The following RBM5 variants were observed in gnomAD, a reference collection of about 807,000 sequenced individuals.
RBM5 encodes RNA binding motif protein 5.
A neutral mutation model predicts 124.6 loss-of-function variants in RBM5; 15 were observed. That is an observed-to-expected ratio of 0.12 (90% confidence interval 0.08 to 0.19). The LOEUF (loss-of-function observed/expected upper bound fraction) is 0.19, where lower values mean the gene tolerates loss of function less well. RBM5 is among the 10% of genes least tolerant of loss of function. The pLI, the probability that RBM5 is intolerant of heterozygous loss-of-function variation, is 1.00. For synonymous variants in RBM5, 337 were observed against 361.2 expected (o/e 0.93, Z 0.76); for missense variants, 580 against 1,026.5 (o/e 0.57, Z 5.94).
intron 4 of RBM5, chr3:50,094,099 T>G (rs540207300): frequency 2.3e-6 from 1 of 440,378 alleles, no homozygotes; most frequent in East Asian, 3.3e-5. Flanking sequence ...GAAATTCATT[T>G]GTATTTTGTA....
intron 11 of RBM5, 142 bp from the exon 12 acceptor site, chr3:50,107,340 T>C (rs2091051816): frequency 4.4e-6 from 3 of 676,924 alleles, no homozygotes; most frequent in Non-Finnish European, 7.9e-6. Flanking sequence ...AATTTCCCCA[T>C]GAAGAGCCCT....
Position 50,106,804 on chromosome 3 carries a change from A to G in RBM5, c.893A>G (p.His298Arg). 1 of 1,613,266 alleles carries G rather than the reference A, an allele frequency of 6.2e-7. No individual in the cohort carries two copies. Residue 298 changes from histidine to arginine, a missense_variant, in exon 11 of 25, where the codon CAT (histidine) becomes CGT (arginine). By Grantham distance (29) the His-to-Arg change is conservative. Around this residue, in one of 6 missense-constraint regions of RBM5, gnomAD observed 42 missense variants for 101.1 expected, o/e 0.42. Transcript: ENST00000347869. ...SQLLQILQSL[H>R]PPLKIDGKTI... is the part of the protein sequence containing the mutation. ...CTGCTTCAGATATTACAGAGTCTCC[A>G]TCCTCCTTTGAAAATTGATGGCAAA...
chr3:50,093,072 G>A, intron 3 of RBM5: 1 of 210,176 alleles, frequency 4.8e-6, no homozygotes, highest in South Asian at 5.6e-5. Context: ...CTGGGAGGCA[G>A]TGGTTGCAGT....
chr3:50,091,719 A>G (rs563651787), intron 2 of RBM5, among the ~76,000 whole-genome samples: 57 of 152,358 alleles, frequency 3.7e-4, no homozygotes, highest in African/African-American at 1.3e-3. Flanking sequence ...GATCTGAATC[A>G]GGGATGAAGG....
chr3:50,105,864 C>T (rs911492178), intron 10 of RBM5, among the ~76,000 whole-genome samples, 155 bp downstream of exon 10: 19 of 152,178 alleles, frequency 1.2e-4, no homozygotes, highest in African/African-American at 4.3e-4. Flanking sequence ...GGACTGATGA[C>T]TTCAGTAAGT....
chr3:50,096,497 G>T (rs2090818549), intron 4 of RBM5, among the ~76,000 whole-genome samples: 2 of 152,020 alleles, frequency 1.3e-5, no homozygotes, highest in South Asian at 4.1e-4. Flanking sequence ...CAAAAAGAGG[G>T]TCATGTCGGA....
intron 15 of RBM5, among the ~76,000 whole-genome samples, chr3:50,110,124 T>C (rs1456558884): frequency 6.6e-6 from 1 of 152,184 alleles, no homozygotes; most frequent in South Asian, 2.1e-4. Context: ...GGCAGGAGAA[T>C]TGCTTGAACC....
At chr3:50,106,118 ATTTTTTTTTT>A (rs61297967) in intron 10 of RBM5, among the ~76,000 whole-genome samples, 10 of 32,756 alleles carry the variant, frequency 3.1e-4, no homozygotes, top group South Asian at 2.9e-3. Flanking sequence ...ACGCCCAGCT[ATTTTTTTTTT>A]TTTTTTTTTT....
In RBM5 at chr3:50,115,950, G is replaced by A; in HGVS notation, c.2064G>A (p.Glu688=). The A allele has an allele frequency of 1.9e-6, 3 of 1,614,042 alleles. No individual in the cohort carries two copies. The highest frequency in any genetic ancestry group is 2.5e-6 in the Non-Finnish European group (3 of 1,179,866). The change falls in exon 22 of 25, where the codon GAG becomes GAA. Residue 688 remains glutamate (E), a synonymous_variant. Transcript: ENST00000347869. ...IYRRSRLSEQ[E]LEALELRERE... ...GACGATCCAGGCTGAGCGAGCAGGAGCTGGAAGCCTTGGAGCTAAGGGAGA... is the reference window on the plus strand; with the variant it reads ...GACGATCCAGGCTGAGCGAGCAGGAACTGGAAGCCTTGGAGCTAAGGGAGA...
At chr3:50,090,266 A>G (rs2090680575) in intron 1 of RBM5, 116 bp from the exon 2 acceptor site, 1 of 641,224 alleles carries the variant, frequency 1.6e-6, no homozygotes, top group South Asian at 2.1e-5. Context: ...TTAGATAATC[A>G]CTGTCAATGA....
chr3:50,107,626 G>A, intron 12 of RBM5, 57 bp downstream of exon 12: 1 of 1,087,048 alleles, frequency 9.2e-7, no homozygotes, highest in Non-Finnish European at 1.4e-6. Context: ...CAGATTCACA[G>A]ACGTGACCTC....
chr3:50,092,061 T>C lies in RBM5; in HGVS notation c.36T>C (p.Arg12=), dbSNP rs1388846559. The change falls in exon 3 of 25, where the codon CGT becomes CGC. Residue 12 remains arginine (R), a synonymous_variant. Coordinates refer to ENST00000347869, the MANE Select transcript of RBM5 (RefSeq NM_005778.4). ...CTGGCAGAGTGAGTAGAACAGAGCG[T>C]AGTGGAAGATACGGTTCCATCATAG... ...GSDKRVSRTE[R]SGRYGSIIDR... is the part of the protein sequence containing the mutation. The C allele has an allele frequency of 1.1e-5, 17 of 1,613,904 alleles. No homozygotes were observed. Among genetic ancestry groups the C allele is most frequent in the Admixed American group, 1.7e-5 (1 of 59,972 alleles).
chr3:50,116,998 G>A, intron 22 of RBM5, 76 bp from the exon 23 acceptor site: 2 of 1,362,596 alleles, frequency 1.5e-6, no homozygotes, highest in Non-Finnish European at 1.0e-6. Flanking sequence ...TGAGGGGATA[G>A]TTTTGAATAG....
intron 20 of RBM5, 80 bp downstream of exon 20, chr3:50,114,331 A>T: frequency 7.3e-7 from 1 of 1,372,212 alleles, no homozygotes; most frequent in African/African-American, 1.5e-5. Context: ...ATCTTGGCTA[A>T]TGTGATTCCT....
At chr3:50,089,619 G>A (rs1401573123) in intron 1 of RBM5, among the ~76,000 whole-genome samples, 4 of 152,234 alleles carry the variant, frequency 2.6e-5, no homozygotes, top group South Asian at 2.1e-4. Flanking sequence ...TCCCCCCAGT[G>A]GTTCTTTTTC....
Position 50,117,846 on chromosome 3 carries a change from T to G in RBM5, c.2322+467T>G, listed in dbSNP as rs780929408. 53 of 172,064 alleles carry G rather than the reference T, an allele frequency of 3.1e-4. No individual in the cohort carries two copies. The highest frequency in any genetic ancestry group is 5.2e-4 in the Non-Finnish European group (41 of 79,260). The allele number at this position is 172,064 out of a possible 1,614,324, so 10.7% of individuals were successfully genotyped here. A position where few individuals can be genotyped will look rare whatever the true frequency, so the allele number is the denominator to read the frequency against. On this transcript the variant is annotated intron_variant, in intron 24 of 24. Transcript: ENST00000347869. The surrounding 1 kb of genome is among the most constrained non-coding windows in gnomAD (Gnocchi z 4.2). ...TCTTTAAATTGATCAGAGCCCACAT[T>G]GAGGCATCATATCCCAGGATCGGAG...
rs2090912704 is a variant in RBM5 at position 50,100,260 on chromosome 3, A to T, written c.409+209A>T. ...TTTAGGGACTTTTTTTTCCTTAGGT[A>T]AGTAATGATTTATAAACTCCTTTTT... On this transcript the variant is annotated intron_variant, in intron 5 of 24. Transcript: ENST00000347869. This position sits in a 1 kb window ranked among gnomAD's most constrained non-coding sequence, Gnocchi z 5.1. The T allele has an allele frequency of 1.7e-6, 1 of 584,124 alleles. No homozygotes were observed. Among genetic ancestry groups the T allele is most frequent in the African/African-American group, 1.9e-5 (1 of 52,924 alleles). 36.2% of individuals were successfully genotyped at this position (584,124 alleles called of 1,614,324 possible).
At chr3:50,109,769 T>C in intron 15 of RBM5, 81 bp downstream of exon 15, 1 of 1,143,754 alleles carries the variant, frequency 8.7e-7, no homozygotes, top group South Asian at 1.2e-5. Flanking sequence ...CCTTTCCTGT[T>C]GTATGAGCCA....
chr3:50,118,233 C>A, intron 24 of RBM5, 98 bp from the exon 25 acceptor site: 1 of 1,507,108 alleles, frequency 6.6e-7, no homozygotes, highest in Non-Finnish European at 9.1e-7. Flanking sequence ...TCTCTTCTGT[C>A]TCCTGGTGGG....
Sources: allele counts gnomAD v4.1 joint callset (sites outside exome capture counted in the v4.1 genomes callset), GRCh38; gene constraint gnomAD v4.1.1; regional missense constraint gnomAD v4.1.1; non-coding constraint Gnocchi (gnomAD v3.1); transcripts MANE v1.5; gene names NCBI Gene and HGNC (gene_info 2026-07-23, HGNC 2026-07-21).